The following SORCS3 variants were observed in gnomAD, a reference collection of about 807,000 sequenced individuals.
SORCS3 encodes sortilin related VPS10 domain containing receptor 3, also known as VPS10 domain-containing receptor SorCS3.
SORCS3 carries 57 observed loss-of-function variants against 146.3 expected under a neutral mutation model. The observed-to-expected ratio is 0.39, with a 90% CI of 0.31 to 0.49. The LOEUF is 0.49. SORCS3 is among the 20% of genes least tolerant of loss of function. The pLI is 0.92. For missense variants in SORCS3, 1,341 were observed against 1,575.5 expected (o/e 0.85, Z 2.52); for synonymous variants, 653 against 618.5 (o/e 1.06, Z -0.83).
At chr10:104,799,276 A>G (rs944081400) in intron 1 of SORCS3, among the ~76,000 whole-genome samples, 7 of 152,238 alleles carry the variant, frequency 4.6e-5, no homozygotes, top group Admixed American at 4.6e-4. Flanking sequence ...TCACAATAAC[A>G]AAGACTTGGA....
intron 1 of SORCS3, among the ~76,000 whole-genome samples, chr10:104,803,873 T>C (rs2091809201): frequency 6.6e-6 from 1 of 152,094 alleles, no homozygotes; most frequent in African/African-American, 2.4e-5. Context: ...AAGGTTTCCT[T>C]TCTTGACTAA....
At chr10:104,667,778 C>A (rs1161474198) in intron 1 of SORCS3, among the ~76,000 whole-genome samples, 1 of 152,204 alleles carries the variant, frequency 6.6e-6, no homozygotes, top group Non-Finnish European at 1.5e-5. Flanking sequence ...TTCATGTGAT[C>A]TGGCCACCTT....
chr10:104,790,127 C>T (rs1456547563), intron 1 of SORCS3, among the ~76,000 whole-genome samples: 1 of 152,220 alleles, frequency 6.6e-6, no homozygotes, highest in East Asian at 1.9e-4. Flanking sequence ...TATCTAAAAG[C>T]CACCACAGTA....
At chr10:104,828,376 G>A (rs1250078258) in intron 1 of SORCS3, among the ~76,000 whole-genome samples, 1 of 152,138 alleles carries the variant, frequency 6.6e-6, no homozygotes, top group African/African-American at 2.4e-5. Context: ...GAGAAGGAGA[G>A]AGATGGGGAA....
At chr10:105,242,891 A>G (rs1254592902) in intron 20 of SORCS3, among the ~76,000 whole-genome samples, 1 of 103,286 alleles carries the variant, frequency 9.7e-6, no homozygotes, top group African/African-American at 4.0e-5. Context: ...TATATATAAT[A>G]TATGATATAT....
At chr10:105,257,742 C>T (rs2930461) in intron 25 of SORCS3, among the ~76,000 whole-genome samples, 151,633 of 152,320 alleles carry the variant, frequency 1, 75,477 homozygotes, top group East Asian at 1. Flanking sequence ...AGGTTTGCTA[C>T]ATGATTTAAA....
chr10:104,861,834 G>A (rs1451360603), intron 2 of SORCS3, among the ~76,000 whole-genome samples: 1 of 152,158 alleles, frequency 6.6e-6, no homozygotes, highest in African/African-American at 2.4e-5. Context: ...AGATTGAGGT[G>A]TTGGCATGGT....
At chr10:104,833,005 T>C (rs74155048) in intron 1 of SORCS3, among the ~76,000 whole-genome samples, 2,033 of 152,312 alleles carry the variant, frequency 0.013, 46 homozygotes, top group African/African-American at 0.046. Flanking sequence ...AGCTCCCAGA[T>C]GGTGGTCATT....
At chr10:105,145,450 A>G (rs1164056103) in intron 8 of SORCS3, among the ~76,000 whole-genome samples, 4 of 152,060 alleles carry the variant, frequency 2.6e-5, no homozygotes, top group Non-Finnish European at 5.9e-5. Flanking sequence ...TCTAATCCTG[A>G]CCATGCCCTG....
At chr10:104,646,036 A>G (rs1367727728) in intron 1 of SORCS3, among the ~76,000 whole-genome samples, 1 of 152,244 alleles carries the variant, frequency 6.6e-6, no homozygotes, top group Non-Finnish European at 1.5e-5. Flanking sequence ...GTTTTCAATT[A>G]GTATTACAAG....
chr10:104,724,879 A>G (rs150999880), intron 1 of SORCS3, among the ~76,000 whole-genome samples: 1,632 of 152,156 alleles, frequency 0.011, 29 homozygotes, highest in African/African-American at 0.037. Context: ...CCATTCGTCT[A>G]ATTTTTTTTC....
intron 5 of SORCS3, among the ~76,000 whole-genome samples, chr10:105,047,386 A>G (rs1466659195): frequency 6.6e-6 from 1 of 152,050 alleles, no homozygotes; most frequent in Non-Finnish European, 1.5e-5. Flanking sequence ...CGTCCTCTTT[A>G]CTGATTTCCC....
chr10:105,219,451 A>C (rs1414633598), intron 19 of SORCS3, among the ~76,000 whole-genome samples: 2 of 152,156 alleles, frequency 1.3e-5, no homozygotes, highest in East Asian at 3.9e-4. Flanking sequence ...CCAGATTCCC[A>C]ATGGAAAGCA....
chr10:104,740,855 A>G (rs1257212448), intron 1 of SORCS3, among the ~76,000 whole-genome samples: 2 of 152,160 alleles, frequency 1.3e-5, no homozygotes. Context: ...AGTTGGCCTT[A>G]TTAGGTTAAC....
At chr10:104,857,251 G>A (rs1173346427) in intron 2 of SORCS3, among the ~76,000 whole-genome samples, 1 of 152,002 alleles carries the variant, frequency 6.6e-6, no homozygotes, top group Non-Finnish European at 1.5e-5. Flanking sequence ...GACAGTGAAA[G>A]CCACATAGTG....
intron 24 of SORCS3, 41 bp downstream of exon 24, chr10:105,255,842 T>G (rs1319361959): frequency 6.8e-7 from 1 of 1,465,602 alleles, no homozygotes; most frequent in Non-Finnish European, 9.5e-7. Context: ...AAAGAGGATC[T>G]GTTATCCCAG....
rs562010619 is a variant in SORCS3, at chr10:104,706,092, A to G, written c.627+64138A>G. On this transcript the variant is annotated intron_variant, in intron 1 of 26. Coordinates refer to ENST00000369701, the MANE Select transcript of SORCS3 (RefSeq NM_014978.3). ...GAAAGTCTCCCTCCTTGCTCCCTGG[A>G]TGACCTCTTTGCCATTCCTTCTTGT... Among the ~76,000 whole-genome samples the G allele has an allele frequency of 3.2e-4, 49 of 151,182 alleles. 1 individual carries two copies. Among genetic ancestry groups the G allele is most frequent in the Admixed American group, 2.2e-3 (34 of 15,186 alleles).
chr10:104,707,496 T>C (rs1184595867), intron 1 of SORCS3, among the ~76,000 whole-genome samples: 1 of 152,118 alleles, frequency 6.6e-6, no homozygotes, highest in East Asian at 1.9e-4. Flanking sequence ...TAGTAAAGTG[T>C]AGTTCCAGGT....
intron 1 of SORCS3, among the ~76,000 whole-genome samples, chr10:104,761,360 T>TG (rs977543277): frequency 5.3e-5 from 8 of 151,918 alleles, no homozygotes; most frequent in Non-Finnish European, 8.8e-5. Flanking sequence ...GATACAGGAA[T>TG]GAAGTGTATC....
Sources: allele counts gnomAD v4.1 joint callset (sites outside exome capture counted in the v4.1 genomes callset), GRCh38; gene constraint gnomAD v4.1.1; transcripts MANE v1.5; gene names NCBI Gene and HGNC (gene_info 2026-07-23, HGNC 2026-07-21).